Variants in CGGBP1 observed in about 807,000 individuals in gnomAD.
CGGBP1 encodes the protein CGG triplet repeat-binding protein 1.
A neutral mutation model predicts 11.4 loss-of-function variants in CGGBP1; 4 were observed. That is an observed-to-expected ratio of 0.35 (90% CI 0.17 to 0.80). The LOEUF is 0.80. Among genes scored for constraint, CGGBP1 ranks in the 30% least tolerant of loss-of-function variants. CGGBP1 has a pLI of 0.52. For synonymous variants in CGGBP1, 76 were observed against 74.1 expected (o/e 1.03, Z -0.13); for missense variants, 135 against 202.1 (o/e 0.67, Z 2.01).
At chr3:88,137,031 C>G (rs979150522) in intron 2 of CGGBP1, among the ~76,000 whole-genome samples, 1 of 151,714 alleles carries the variant, frequency 6.6e-6, no homozygotes, top group Non-Finnish European at 1.5e-5. Context: ...CCCATCTCTA[C>G]TAAAAATACA....
At chr3:88,106,296 C>T (rs1170165983) in intron 2 of CGGBP1, among the ~76,000 whole-genome samples, 36 of 151,916 alleles carry the variant, frequency 2.4e-4, no homozygotes, top group Non-Finnish European at 4.9e-4. Context: ...GATGTTAAGC[C>T]CTTCCTGTGC....
intron 2 of CGGBP1, chr3:88,139,717 A>G (rs1240290100): frequency 1.3e-6 from 2 of 1,564,808 alleles, no homozygotes; most frequent in East Asian, 2.4e-5. Flanking sequence ...GGCAGTCCTA[A>G]TAATTCTTTA....
chr3:88,088,744 TTATGTATG>T lies in CGGBP1; in HGVS notation c.-228-30529_-228-30522del, dbSNP rs10574923. Among the ~76,000 whole-genome samples the T allele has an allele frequency of 5.9e-4, 88 of 148,622 alleles. 1 individual carries two copies. The highest frequency in any genetic ancestry group is 4.4e-3 in the East Asian group (22 of 5,010). On this transcript the variant is annotated intron_variant, in intron 2 of 3. Transcript: ENST00000462901. ...AGGCAGTTTAAAAAAAAACCTTTAT[TTATGTATG>T]TATGTATGTATGGATGGATGGATGG...
At chr3:88,118,368 G>T (rs533601520) in intron 2 of CGGBP1, among the ~76,000 whole-genome samples, 2 of 152,186 alleles carry the variant, frequency 1.3e-5, no homozygotes, top group African/African-American at 4.8e-5. Flanking sequence ...TATACCATAG[G>T]AGAAGTGGAA....
rs1241722081 is a variant in CGGBP1, at chr3:88,054,586, T to A, written c.*887A>T. 6.6e-6 allele frequency: 1 copy of A among 151,904 alleles called. No homozygotes were observed. Among genetic ancestry groups the A allele is most frequent in the Non-Finnish European group, 1.5e-5 (1 of 68,002 alleles). 9.4% of individuals were successfully genotyped at this position (151,904 alleles called of 1,614,324 possible). ...ATGAATAGAAAGTAATTTTATCTGATCTGTCAGCCAAAAAAAAATTACTAA... is the reference window on the plus strand; with the variant it reads ...ATGAATAGAAAGTAATTTTATCTGAACTGTCAGCCAAAAAAAAATTACTAA... On this transcript the variant is annotated 3_prime_UTR_variant, in exon 4 of 4. Coordinates refer to ENST00000482016, the MANE Select transcript of CGGBP1 (RefSeq NM_001008390.2).
rs111249339 is a variant in CGGBP1 at position 88,142,558 on chromosome 3, T to C, written c.-337-1480A>G. ...TTCTGTTTGTGTATATGTTGGGACA[T>C]TGCTTGATGATTCATAGTAAGGTCC... On this transcript the variant is annotated intron_variant, in intron 1 of 3. Coordinates refer to the CGGBP1 transcript ENST00000462901. 1.9e-3 allele frequency: 290 copies of C among 151,416 alleles called. 1 individual carries two copies. The highest frequency in any genetic ancestry group is 6.9e-3 in the African/African-American group (280 of 40,562). The allele number at this position is 151,416 out of a possible 1,614,324, so 9.4% of individuals were successfully genotyped here.
chr3:88,065,467 AAT>A (rs1241177133), intron 2 of CGGBP1, among the ~76,000 whole-genome samples: 1 of 152,208 alleles, frequency 6.6e-6, no homozygotes, highest in East Asian at 1.9e-4. Context: ...GTATTTAAAG[AAT>A]ATTTATTCAT....
At chr3:88,086,022 A>G (rs1708320128) in intron 2 of CGGBP1, among the ~76,000 whole-genome samples, 1 of 152,212 alleles carries the variant, frequency 6.6e-6, no homozygotes, top group Non-Finnish European at 1.5e-5. Context: ...AAACATTGGT[A>G]GTTGAATAGT....
intron 2 of CGGBP1, among the ~76,000 whole-genome samples, chr3:88,096,215 C>A (rs1365858414): frequency 6.6e-6 from 1 of 151,926 alleles, no homozygotes; most frequent in South Asian, 2.1e-4. Flanking sequence ...GTTAGATGAT[C>A]TGAGAGAATA....
Position 88,138,772 on chromosome 3 carries a change from A to G in CGGBP1, c.-229+2198T>C, listed in dbSNP as rs898944729. The G allele has an allele frequency of 3.2e-6, 4 of 1,231,962 alleles. No individual in the cohort carries two copies. The African/African-American group carries it at 4.7e-5, about 14-fold the overall frequency. 76.3% of individuals were successfully genotyped at this position (1,231,962 alleles called of 1,614,324 possible). A position where few individuals can be genotyped will look rare whatever the true frequency, so the allele number is the denominator to read the frequency against. On this transcript the variant is annotated intron_variant, in intron 2 of 3. Transcript: ENST00000462901. ...TGTGCTCTACAACTCGACCTTCATG[A>G]TGATCCCAAAACTAAATGTCTAATT...
chr3:88,119,515 C>T (rs1705641044), intron 2 of CGGBP1, among the ~76,000 whole-genome samples: 1 of 148,610 alleles, frequency 6.7e-6, no homozygotes, highest in African/African-American at 2.5e-5. Flanking sequence ...ACAATGTGCA[C>T]GTGTACCCTA....
chr3:88,124,118 G>A (rs954860089), intron 2 of CGGBP1, among the ~76,000 whole-genome samples: 1 of 152,084 alleles, frequency 6.6e-6, no homozygotes, highest in African/African-American at 2.4e-5. Context: ...ATATTTATTC[G>A]AACTGTTAAA....
chr3:88,096,309 GTAT>G (rs1704053761), intron 2 of CGGBP1, among the ~76,000 whole-genome samples: 1 of 152,102 alleles, frequency 6.6e-6, no homozygotes, highest in Admixed American at 6.6e-5. Flanking sequence ...GAAGAAGAAA[GTAT>G]TACTAGAGCC....
intron 2 of CGGBP1, chr3:88,140,785 A>G: frequency 6.2e-7 from 1 of 1,613,790 alleles, no homozygotes; most frequent in South Asian, 1.1e-5. Flanking sequence ...CATACTTCAT[A>G]TGGCTTAATT....
At chr3:88,084,907 T>A (rs1297467763) in intron 2 of CGGBP1, among the ~76,000 whole-genome samples, 1 of 152,164 alleles carries the variant, frequency 6.6e-6, no homozygotes, top group Non-Finnish European at 1.5e-5. Flanking sequence ...GGAACGCTAA[T>A]CTTTTATAAT....
intron 2 of CGGBP1, among the ~76,000 whole-genome samples, chr3:88,121,973 C>T (rs2107802515): frequency 6.6e-6 from 1 of 152,274 alleles, no homozygotes; most frequent in South Asian, 2.1e-4. Context: ...TTCTCTGGCA[C>T]ACCTTTCCCT....
intron 2 of CGGBP1, among the ~76,000 whole-genome samples, chr3:88,132,568 A>G (rs1340505619): frequency 3.9e-5 from 6 of 152,218 alleles, no homozygotes; most frequent in Non-Finnish European, 8.8e-5. Context: ...AAATCCAATC[A>G]AAATGGAGCT....
intron 2 of CGGBP1, among the ~76,000 whole-genome samples, chr3:88,082,783 A>C (rs1267912405): frequency 6.6e-6 from 1 of 152,188 alleles, no homozygotes; most frequent in African/African-American, 2.4e-5. Context: ...TATATGTTTA[A>C]ATAGTTGTGT....
intron 2 of CGGBP1, among the ~76,000 whole-genome samples, chr3:88,090,140 C>T (rs1559702736): frequency 6.6e-6 from 1 of 151,848 alleles, no homozygotes; most frequent in Non-Finnish European, 1.5e-5. Flanking sequence ...TTAGAGTGTA[C>T]CTCTTCTACC....
Sources: allele counts gnomAD v4.1 joint callset (sites outside exome capture counted in the v4.1 genomes callset), GRCh38; gene constraint gnomAD v4.1.1; transcripts MANE v1.5; gene names NCBI Gene and HGNC (gene_info 2026-07-23, HGNC 2026-07-21).